The following HEATR1 variants were observed in gnomAD, a reference collection of about 807,000 sequenced individuals.
HEATR1 encodes the protein HEAT repeat containing 1, also known as HEAT repeat-containing protein 1.
Under a neutral mutation model 248.2 loss-of-function variants are expected in HEATR1, and 77 were observed. The ratio of observed to expected loss-of-function variants is 0.31; its 90% CI spans 0.26 to 0.37. The LOEUF is 0.37. Ranked by LOEUF, HEATR1 falls within the 10% of genes least tolerant of loss-of-function variation. HEATR1 has a pLI of 1.00. For missense variants in HEATR1, 2,420 were observed against 2,504.9 expected (o/e 0.97, Z 0.72); for synonymous variants, 897 against 923.1 (o/e 0.97, Z 0.51).
At position 236,590,911 on chromosome 1, in the gene HEATR1, T is replaced by TCCTGTGAG; in HGVS notation, c.1465_1466insCTCACAGG (p.His489ProfsTer9). ...CAGAATTCTCACAGGAGCAAGTGGATGATTCAGGCTGAGCATCAAAGAAGT... is the reference window on the plus strand; with the variant it reads ...CAGAATTCTCACAGGAGCAAGTGGATCCTGTGAGGATTCAGGCTGAGCATCAAAGAAGT... On this transcript the variant is annotated frameshift_variant, in exon 12 of 45. Coordinates refer to ENST00000366582, the MANE Select transcript of HEATR1 (RefSeq NM_018072.6). LOFTEE classifies it high-confidence loss of function. 6.6e-7 allele frequency: 1 copy of TCCTGTGAG among 1,520,686 alleles called. No individual in the cohort carries two copies. Among genetic ancestry groups the TCCTGTGAG allele is most frequent in the Non-Finnish European group, 8.9e-7 (1 of 1,125,810 alleles). 94.2% of individuals were successfully genotyped at this position (1,520,686 alleles called of 1,614,324 possible).
intron 13 of HEATR1, 69 bp from the exon 14 acceptor site, chr1:236,587,559 G>T: frequency 1.6e-6 from 1 of 610,192 alleles, no homozygotes; most frequent in Non-Finnish European, 2.6e-6. Context: ...TTTTAAATGC[G>T]AATTTTAAAA....
intron 24 of HEATR1, among the ~76,000 whole-genome samples, 188 bp from the exon 25 acceptor site, chr1:236,573,016 G>A (rs2103135202): frequency 6.6e-6 from 1 of 152,240 alleles, no homozygotes; most frequent in South Asian, 2.1e-4. Context: ...ACCAGAATGA[G>A]AAGAAAGCAA....
At chr1:236,590,117 A>G (rs1438860676) in intron 12 of HEATR1, among the ~76,000 whole-genome samples, 1 of 152,254 alleles carries the variant, frequency 6.6e-6, no homozygotes, top group Non-Finnish European at 1.5e-5. Flanking sequence ...AACCACTAAC[A>G]TTTTAAAGAC....
At chr1:236,584,897 T>C (rs1663843084) in intron 17 of HEATR1, 128 bp downstream of exon 17, 1 of 752,984 alleles carries the variant, frequency 1.3e-6, no homozygotes, top group Non-Finnish European at 2.1e-6. Context: ...CAAGACTGCT[T>C]CACATTTCAT....
At chr1:236,586,041 T>C (rs1469325861) in intron 15 of HEATR1, 100 bp from the exon 16 acceptor site, 51 of 1,443,488 alleles carry the variant, frequency 3.5e-5, no homozygotes, top group Non-Finnish European at 4.6e-5. Flanking sequence ...TTATGAAGGT[T>C]TGCTTTCTAT....
At chr1:236,593,198 G>C (rs1213931472) in intron 9 of HEATR1, among the ~76,000 whole-genome samples, 1 of 138,918 alleles carries the variant, frequency 7.2e-6, no homozygotes, top group East Asian at 2.1e-4. Flanking sequence ...CCATCTTAAA[G>C]AAAAAAAAAA....
In HEATR1 at chr1:236,555,283, A is replaced by G. The variant is rs985176236; in HGVS notation, c.5923+13T>C. 2 of 1,613,224 alleles carry G rather than the reference A, an allele frequency of 1.2e-6. No homozygotes were observed. Among genetic ancestry groups the G allele is most frequent in the East Asian group, 2.2e-5 (1 of 44,870 alleles). ...AGGGCAAGGGTGACAGCTGAACTGA[A>G]GCGACCACCCACCTGTTTTGGAGAT... On this transcript the variant is annotated intron_variant, in intron 41 of 44. Transcript: ENST00000366582.
rs760597391 is a variant in HEATR1, at chr1:236,571,326, A to G, written c.3948+25T>C. The G allele has an allele frequency of 2.6e-6, 4 of 1,566,574 alleles. No individual in the cohort carries two copies. The East Asian group carries it at 9.0e-5, about 35-fold the overall frequency. ...AAGAAAAATATCTGAAATATCTGCT[A>G]AAATCTTATATCATTAACGCTTACC... On this transcript the variant is annotated intron_variant, in intron 28 of 44. Coordinates refer to ENST00000366582, the MANE Select transcript of HEATR1 (RefSeq NM_018072.6).
intron 38 of HEATR1, 78 bp from the exon 39 acceptor site, chr1:236,556,017 A>C (rs1662965570): frequency 1.9e-6 from 3 of 1,606,006 alleles, no homozygotes; most frequent in South Asian, 1.1e-5. Flanking sequence ...TTAAAAACTA[A>C]ATCTTCTTCT....
chr1:236,586,736 A>T (rs548524062), intron 14 of HEATR1, among the ~76,000 whole-genome samples: 65 of 149,608 alleles, frequency 4.3e-4, no homozygotes, highest in African/African-American at 1.6e-3. Context: ...GTCTAATCTT[A>T]AAAAAAAAAT....
chr1:236,592,816 TTA>T (rs1264764003), intron 9 of HEATR1, among the ~76,000 whole-genome samples, 183 bp from the exon 10 acceptor site: 7 of 152,222 alleles, frequency 4.6e-5, no homozygotes, highest in Non-Finnish European at 1.0e-4. Context: ...ACCACTGGCA[TTA>T]TAATCCCAGC....
At chr1:236,582,608 G>A (rs1439571422) in intron 19 of HEATR1, 128 bp downstream of exon 19, 5 of 874,656 alleles carry the variant, frequency 5.7e-6, no homozygotes, top group East Asian at 2.5e-5. Flanking sequence ...TCACTATGTT[G>A]GCCAGGCTGG....
rs769662314 is a variant in HEATR1, at chr1:236,590,835, T to A, written c.1530+12A>T. On this transcript the variant is annotated intron_variant, in intron 12 of 44. Transcript: ENST00000366582. ...AAAAAAAAACCATATAAAAAAGCGATCTGAAACAAACCTTTGATGTTTTCA... is the reference window on the plus strand; with the variant it reads ...AAAAAAAAACCATATAAAAAAGCGAACTGAAACAAACCTTTGATGTTTTCA... 5.0e-6 allele frequency: 7 copies of A among 1,405,152 alleles called. No individual in the cohort carries two copies. In the African/African-American group the frequency reaches 1.0e-4, roughly 20 times the overall value. 87.0% of individuals were successfully genotyped at this position (1,405,152 alleles called of 1,614,324 possible). A position where few individuals can be genotyped will look rare whatever the true frequency, so the allele number is the denominator to read the frequency against.
Position 236,587,424 on chromosome 1 carries a change from C to G in HEATR1, c.1693G>C (p.Glu565Gln). The G allele has an allele frequency of 6.5e-7, 1 of 1,527,184 alleles. No individual in the cohort carries two copies. The highest frequency in any genetic ancestry group is 8.9e-7 in the Non-Finnish European group (1 of 1,127,490). 94.6% of individuals were successfully genotyped at this position (1,527,184 alleles called of 1,614,324 possible). ...SNLLNLFQRA[E>Q]LSKNGEWYEV... is the part of the protein sequence containing the mutation. Reference sequence around the variant, plus strand: ...TACCATTCTCCATTCTTTGAAAGTTCTGCTCTTTGAAAGAGATTCAGAAGA... The same window carrying G: ...TACCATTCTCCATTCTTTGAAAGTTGTGCTCTTTGAAAGAGATTCAGAAGA... The change falls in exon 14 of 45, where the codon GAA (glutamate) becomes CAA (glutamine). Residue 565 changes from glutamate (E) to glutamine (Q), a missense_variant. Transcript: ENST00000366582.
At chr1:236,586,196 G>T in intron 15 of HEATR1, 45 bp downstream of exon 15, 1 of 1,455,406 alleles carries the variant, frequency 6.9e-7, no homozygotes, top group Non-Finnish European at 9.4e-7. Context: ...GTTTTCTTTT[G>T]TGTTATCTGT....
intron 28 of HEATR1, among the ~76,000 whole-genome samples, chr1:236,569,388 AC>A (rs1399878448): frequency 6.6e-6 from 1 of 151,876 alleles, no homozygotes; most frequent in Non-Finnish European, 1.5e-5. Flanking sequence ...TCACTATGTT[AC>A]CCAGGCTGGT....
chr1:236,592,767 T>C, intron 9 of HEATR1, 134 bp from the exon 10 acceptor site: 1 of 485,354 alleles, frequency 2.1e-6, no homozygotes, highest in African/African-American at 2.0e-5. Context: ...ATACTTATTT[T>C]ACAGATAAAG....
chr1:236,595,799 G>A, intron 7 of HEATR1, 34 bp downstream of exon 7: 1 of 1,567,410 alleles, frequency 6.4e-7, no homozygotes, highest in Admixed American at 1.7e-5. Flanking sequence ...ATTCACCTCT[G>A]ACTAGCACCA....
intron 16 of HEATR1, 152 bp from the exon 17 acceptor site, chr1:236,585,368 GTAAT>G (rs1327807345): frequency 1.6e-5 from 9 of 550,592 alleles, no homozygotes; most frequent in Non-Finnish European, 2.4e-5. Flanking sequence ...TGATTTCTAA[GTAAT>G]TATAAGAATA....
Sources: allele counts gnomAD v4.1 joint callset (sites outside exome capture counted in the v4.1 genomes callset), GRCh38; gene constraint gnomAD v4.1.1; transcripts MANE v1.5; gene names NCBI Gene and HGNC (gene_info 2026-07-23, HGNC 2026-07-21).